CDH13: variants seen among roughly 807,000 people sequenced by gnomAD.
The protein encoded by CDH13 is cadherin-13.
In CDH13, 24 loss-of-function variants were observed where a neutral mutation model predicts 63.8. The observed-to-expected ratio is 0.38, with a 90% CI of 0.27 to 0.53. CDH13 has a LOEUF of 0.53. Ranked by LOEUF, CDH13 falls within the 20% of genes least tolerant of loss-of-function variation. The pLI is 0.85. For synonymous variants in CDH13, 503 were observed against 355.3 expected (o/e 1.42, Z -4.67); for missense variants, 1,049 against 903.1 (o/e 1.16, Z -2.07).
chr16:83,215,663 C>A (rs1392414924), intron 4 of CDH13, among the ~76,000 whole-genome samples: 1 of 149,412 alleles, frequency 6.7e-6, no homozygotes, highest in Non-Finnish European at 1.5e-5. Flanking sequence ...GAGCAGGGGG[C>A]GGGCAGGACC....
rs137916465 is a variant in CDH13 at position 83,126,473 on chromosome 16, T to G, written c.483+972T>G. Among the ~76,000 whole-genome samples the G allele has an allele frequency of 7.6e-3, 1,159 of 152,186 alleles. 10 individuals carry two copies. Among genetic ancestry groups the G allele is most frequent in the African/African-American group, 0.021 (862 of 41,514 alleles). ...GGCACGGCAAAGGCGGGAAGGGTAG[T>G]TTCATTGGGAAGAGCTGTTTTGGCT... On this transcript the variant is annotated intron_variant, in intron 4 of 13. Coordinates refer to ENST00000567109, the MANE Select transcript of CDH13 (RefSeq NM_001257.5).
intron 1 of CDH13, among the ~76,000 whole-genome samples, chr16:82,781,279 C>G (rs1009162613): frequency 2.0e-5 from 3 of 152,212 alleles, no homozygotes; most frequent in Non-Finnish European, 4.4e-5. Flanking sequence ...ACAGCATTCT[C>G]TATATTCGTC....
rs77597524 is a variant in CDH13 at position 82,726,892 on chromosome 16, C to G, written c.45+99755C>G. ...CAGATGAAAACACTGAGGCACAGAG[C>G]TGTATTCTGTCTGAGGCCAGAGTTA... is the stretch of plus-strand genomic sequence containing the variant. On this transcript the variant is annotated intron_variant, in intron 1 of 13. Coordinates refer to ENST00000567109, the MANE Select transcript of CDH13 (RefSeq NM_001257.5). Among the ~76,000 whole-genome samples, 361 of 152,296 alleles carry G rather than the reference C, an allele frequency of 2.4e-3. 11 individuals carry two copies. In the East Asian group the frequency reaches 0.062, roughly 26 times the overall value.
At chr16:83,654,292 A>G (rs1450403819) in intron 8 of CDH13, among the ~76,000 whole-genome samples, 2 of 152,020 alleles carry the variant, frequency 1.3e-5, no homozygotes, top group Admixed American at 6.5e-5. Flanking sequence ...ATCTATAAGC[A>G]TGTCTGGGGG....
intron 5 of CDH13, among the ~76,000 whole-genome samples, chr16:83,266,641 C>T (rs1349680381): frequency 6.6e-6 from 1 of 152,210 alleles, no homozygotes; most frequent in Non-Finnish European, 1.5e-5. Flanking sequence ...GTGCCCTTTA[C>T]TAACTCTTAA....
In CDH13 at chr16:83,542,507, C is replaced by T. The variant is rs555262152; in HGVS notation, c.960+55852C>T. Among the ~76,000 whole-genome samples the T allele has an allele frequency of 7.7e-4, 118 of 152,322 alleles. 1 individual carries two copies. The highest frequency in any genetic ancestry group is 2.6e-3 in the African/African-American group (109 of 41,572). On this transcript the variant is annotated intron_variant, in intron 7 of 13. Transcript: ENST00000567109. ...ACTTCCCAGGTGCATTCGTTTGCAA[C>T]GGCTGTGGTAACAAAGCATCATAAA...
At chr16:83,515,185 C>G (rs966502070) in intron 7 of CDH13, among the ~76,000 whole-genome samples, 5 of 152,172 alleles carry the variant, frequency 3.3e-5, no homozygotes, top group African/African-American at 1.2e-4. Context: ...GAACTCTGTA[C>G]TTGAGGACTC....
At chr16:83,108,430 A>C (rs575631049) in intron 3 of CDH13, among the ~76,000 whole-genome samples, 1 of 152,330 alleles carries the variant, frequency 6.6e-6, no homozygotes, top group African/African-American at 2.4e-5. Flanking sequence ...GACAAAAAGG[A>C]ATAATAACTC....
chr16:83,535,856 G>A (rs1156634843), intron 7 of CDH13, among the ~76,000 whole-genome samples: 3 of 147,094 alleles, frequency 2.0e-5, no homozygotes, highest in South Asian at 2.3e-4. Flanking sequence ...AGGGAGGGAG[G>A]GAAGGAAGGA....
intron 2 of CDH13, among the ~76,000 whole-genome samples, chr16:82,968,925 G>A (rs1908279972): frequency 6.6e-6 from 1 of 152,116 alleles, no homozygotes; most frequent in African/African-American, 2.4e-5. Context: ...TTCAAGACAA[G>A]CCTGGACAAC....
In CDH13 at chr16:82,647,912, TG is replaced by T. The variant is rs199767363; in HGVS notation, c.45+20776del. Among the ~76,000 whole-genome samples, 718 of 152,292 alleles carry T rather than the reference TG, an allele frequency of 4.7e-3. 6 individuals are homozygous for T. The highest frequency in any genetic ancestry group is 7.2e-3 in the Non-Finnish European group (489 of 68,022). On this transcript the variant is annotated intron_variant, in intron 1 of 13. Coordinates refer to ENST00000567109, the MANE Select transcript of CDH13 (RefSeq NM_001257.5). ...TCCCCATGTGTCATGGGAGGGACCC[TG>T]TCGGGGGTAACTGAAGCTTAGGGGC...
chr16:83,419,476 A>G (rs1417498120), intron 6 of CDH13, among the ~76,000 whole-genome samples: 1 of 152,214 alleles, frequency 6.6e-6, no homozygotes, highest in Non-Finnish European at 1.5e-5. Flanking sequence ...TTCTACTTTT[A>G]CATCCTTAGA....
intron 11 of CDH13, among the ~76,000 whole-genome samples, chr16:83,757,446 C>T (rs984522969): frequency 3.5e-4 from 53 of 152,114 alleles, no homozygotes; most frequent in African/African-American, 1.3e-3. Flanking sequence ...GATACAGTGG[C>T]ATGTGCCTGT....
chr16:83,230,113 G>A (rs2039961332), intron 5 of CDH13, among the ~76,000 whole-genome samples: 1 of 152,160 alleles, frequency 6.6e-6, no homozygotes, highest in Admixed American at 6.5e-5. Context: ...CAGAAAGGCT[G>A]AGAAAAATGG....
intron 1 of CDH13, among the ~76,000 whole-genome samples, chr16:82,764,632 G>T (rs575755390): frequency 6.6e-6 from 1 of 152,288 alleles, no homozygotes; most frequent in South Asian, 2.1e-4. Context: ...CCCACAGTAG[G>T]TGCTCAATAA....
chr16:82,922,904 G>T (rs1262404500), intron 2 of CDH13, among the ~76,000 whole-genome samples: 1 of 152,152 alleles, frequency 6.6e-6, no homozygotes. Context: ...TTTGATTCCA[G>T]ACAACGGCAA....
At chr16:83,203,286 T>C (rs1401237663) in intron 4 of CDH13, among the ~76,000 whole-genome samples, 2 of 152,162 alleles carry the variant, frequency 1.3e-5, no homozygotes, top group African/African-American at 4.8e-5. Context: ...ATGTTCACTA[T>C]CTGTGTGATG....
At chr16:83,131,841 A>C (rs1261678003) in intron 4 of CDH13, among the ~76,000 whole-genome samples, 2 of 152,210 alleles carry the variant, frequency 1.3e-5, no homozygotes, top group Non-Finnish European at 2.9e-5. Flanking sequence ...GGATAGAAGA[A>C]ATATGTAACT....
chr16:83,653,245 CTG>C (rs1912557627), intron 8 of CDH13, among the ~76,000 whole-genome samples: 1 of 152,110 alleles, frequency 6.6e-6, no homozygotes. Context: ...TTGCACAACT[CTG>C]TGAATGTACT....
Sources: allele counts gnomAD v4.1 joint callset (sites outside exome capture counted in the v4.1 genomes callset), GRCh38; gene constraint gnomAD v4.1.1; transcripts MANE v1.5; gene names NCBI Gene and HGNC (gene_info 2026-07-23, HGNC 2026-07-21).